PIP4K2A: variants seen among roughly 807,000 people sequenced by gnomAD.
The protein encoded by PIP4K2A is phosphatidylinositol 5-phosphate 4-kinase type-2 alpha.
Under a neutral mutation model 42.9 loss-of-function variants are expected in PIP4K2A, and 14 were observed. That is an observed-to-expected ratio of 0.33 (90% CI 0.22 to 0.51). The LOEUF (loss-of-function observed/expected upper bound fraction) is 0.51. Ranked by LOEUF, PIP4K2A falls within the 20% of genes least tolerant of loss-of-function variation. The pLI is 0.97. For synonymous variants in PIP4K2A, 192 were observed against 192.2 expected (o/e 1.00, Z 0.01); for missense variants, 434 against 519.8 (o/e 0.83, Z 1.61).
chr10:22,606,047 C>A (rs543676940), intron 3 of PIP4K2A, among the ~76,000 whole-genome samples: 5 of 152,022 alleles, frequency 3.3e-5, no homozygotes, highest in Admixed American at 1.3e-4. Flanking sequence ...AAAAATTAAG[C>A]CCCAAGGCCA....
At chr10:22,543,329 G>C (rs1318635065) in intron 7 of PIP4K2A, among the ~76,000 whole-genome samples, 1 of 152,144 alleles carries the variant, frequency 6.6e-6, no homozygotes, top group African/African-American at 2.4e-5. Context: ...CCACTTCGCT[G>C]CCTTCCCAAC....
At chr10:22,665,414 T>C (rs1268076978) in intron 1 of PIP4K2A, among the ~76,000 whole-genome samples, 1 of 152,172 alleles carries the variant, frequency 6.6e-6, no homozygotes. Flanking sequence ...TTTATTTAGC[T>C]GTTCCACTAC....
At chr10:22,623,119 G>A (rs1224877806) in intron 1 of PIP4K2A, among the ~76,000 whole-genome samples, 1 of 152,080 alleles carries the variant, frequency 6.6e-6, no homozygotes, top group African/African-American at 2.4e-5. Context: ...ATAGTGCAGA[G>A]TGAGAAAAGC....
At chr10:22,642,656 T>C (rs1283389726) in intron 1 of PIP4K2A, among the ~76,000 whole-genome samples, 1 of 132,606 alleles carries the variant, frequency 7.5e-6, no homozygotes, top group Non-Finnish European at 1.6e-5. Flanking sequence ...AGATCTATAA[T>C]AGAACAGTGT....
chr10:22,626,641 A>C (rs553716497), intron 1 of PIP4K2A, among the ~76,000 whole-genome samples: 12 of 152,324 alleles, frequency 7.9e-5, no homozygotes, highest in Non-Finnish European at 1.3e-4. Context: ...CATCACACTG[A>C]AGTGCAGAAA....
At chr10:22,681,952 A>G (rs1839671164) in intron 1 of PIP4K2A, among the ~76,000 whole-genome samples, 1 of 152,200 alleles carries the variant, frequency 6.6e-6, no homozygotes, top group Non-Finnish European at 1.5e-5. Flanking sequence ...CTGAAATTTG[A>G]ATTTCATAGA....
intron 1 of PIP4K2A, among the ~76,000 whole-genome samples, chr10:22,679,492 T>C (rs940534212): frequency 2.0e-5 from 3 of 152,202 alleles, no homozygotes; most frequent in African/African-American, 7.2e-5. Context: ...TACAGTTGCT[T>C]TGGCCATTCC....
At chr10:22,641,892 C>G (rs1459973021) in intron 1 of PIP4K2A, 1 of 152,242 alleles carries the variant, frequency 6.6e-6, no homozygotes, top group Admixed American at 6.5e-5. Context: ...ACAGGGTTCT[C>G]TACTCTGCAG....
At chr10:22,625,064 G>A (rs1335242948) in intron 1 of PIP4K2A, among the ~76,000 whole-genome samples, 1 of 152,144 alleles carries the variant, frequency 6.6e-6, no homozygotes, top group Non-Finnish European at 1.5e-5. Flanking sequence ...AAAAACCTTT[G>A]TATAACTGGC....
rs1323988352 is a variant in PIP4K2A, at chr10:22,664,053, G to GTATATA, written c.144+50124_144+50129dup. ...TATACATATATATATATATACATAT[G>GTATATA]TATATATACATATATATATATACGT... is the stretch of plus-strand genomic sequence containing the variant. On this transcript the variant is annotated intron_variant, in intron 1 of 9. Coordinates refer to ENST00000376573, the MANE Select transcript of PIP4K2A (RefSeq NM_005028.5). Among the ~76,000 whole-genome samples the GTATATA allele has an allele frequency of 5.4e-5, 3 of 55,574 alleles. No individual in the cohort carries two copies. The African/African-American group carries it at 5.4e-4, about 10-fold the overall frequency. The allele number at this position is 55,574 out of a possible 152,430, so 36.5% of individuals were successfully genotyped here. A position where few individuals can be genotyped will look rare whatever the true frequency, so the allele number is the denominator to read the frequency against.
intron 1 of PIP4K2A, among the ~76,000 whole-genome samples, chr10:22,664,605 T>C (rs1252069680): frequency 1.3e-5 from 2 of 152,090 alleles, no homozygotes; most frequent in Non-Finnish European, 2.9e-5. Context: ...TTAAGCCCTT[T>C]GTTTTCTATT....
chr10:22,641,886 G>A (rs1328772565), intron 1 of PIP4K2A: 1 of 152,130 alleles, frequency 6.6e-6, no homozygotes, highest in African/African-American at 2.4e-5. Context: ...GCCATCACAG[G>A]GTTCTCTACT....
At chr10:22,617,370 C>T (rs1194249586) in intron 1 of PIP4K2A, among the ~76,000 whole-genome samples, 1 of 152,246 alleles carries the variant, frequency 6.6e-6, no homozygotes, top group Non-Finnish European at 1.5e-5. Context: ...AAAGCCATCT[C>T]ACAGTGTGAC....
At chr10:22,545,869 AATT>A (rs371351684) in intron 7 of PIP4K2A, among the ~76,000 whole-genome samples, 256 of 152,126 alleles carry the variant, frequency 1.7e-3, no homozygotes, top group African/African-American at 5.3e-3. Context: ...ATGCCCAGCT[AATT>A]ATTTTTTATT....
intron 1 of PIP4K2A, among the ~76,000 whole-genome samples, chr10:22,656,534 C>T (rs2130822896): frequency 6.6e-6 from 1 of 152,246 alleles, no homozygotes; most frequent in African/African-American, 2.4e-5. Flanking sequence ...AATAAAGGCA[C>T]GGTGGTTCAC....
chr10:22,712,445 G>C (rs1325161646), intron 1 of PIP4K2A, among the ~76,000 whole-genome samples: 1 of 151,584 alleles, frequency 6.6e-6, no homozygotes, highest in Non-Finnish European at 1.5e-5. Flanking sequence ...AACTCCAAAG[G>C]AGATAAAAGC....
intron 1 of PIP4K2A, among the ~76,000 whole-genome samples, chr10:22,624,602 T>C (rs1588671356): frequency 1.3e-5 from 2 of 152,244 alleles, no homozygotes; most frequent in African/African-American, 2.4e-5. Context: ...TCATGCACTT[T>C]TCCCTTATAA....
chr10:22,585,460 AAATT>A (rs1258203233), intron 4 of PIP4K2A, among the ~76,000 whole-genome samples: 1 of 152,218 alleles, frequency 6.6e-6, no homozygotes, highest in Non-Finnish European at 1.5e-5. Flanking sequence ...ATAAGAAAGT[AAATT>A]AAAATGCTGC....
intron 5 of PIP4K2A, among the ~76,000 whole-genome samples, chr10:22,569,275 T>C (rs1490207818): frequency 1.3e-5 from 2 of 152,214 alleles, no homozygotes; most frequent in Non-Finnish European, 2.9e-5. Context: ...CGAGGGACGC[T>C]GCTGCTGGCC....
Sources: allele counts gnomAD v4.1 joint callset (sites outside exome capture counted in the v4.1 genomes callset), GRCh38; gene constraint gnomAD v4.1.1; transcripts MANE v1.5; gene names NCBI Gene and HGNC (gene_info 2026-07-23, HGNC 2026-07-21).